Variants in NBEA observed in about 807,000 individuals in gnomAD.
NBEA encodes lysosomal-trafficking regulator 2.
A neutral mutation model predicts 343.4 loss-of-function variants in NBEA; 44 were observed. That is an observed-to-expected ratio of 0.13 (90% CI 0.10 to 0.16). The LOEUF (loss-of-function observed/expected upper bound fraction) is 0.16, where lower values mean the gene tolerates loss of function less well. Among genes scored for constraint, NBEA ranks in the 10% least tolerant of loss-of-function variants. The pLI, the probability that NBEA is intolerant of heterozygous loss-of-function variation, is 1.00. For synonymous variants in NBEA, 1,175 were observed against 1,238.7 expected, an observed-to-expected ratio of 0.95 and a Z score of 1.08; for missense variants, 2,555 against 3,631.3, an observed-to-expected ratio of 0.70 and a Z score of 7.62.
At chr13:35,139,801 A>G (rs1232974863) in intron 17 of NBEA, among the ~76,000 whole-genome samples, 2 of 121,252 alleles carry the variant, frequency 1.6e-5, no homozygotes, top group Non-Finnish European at 3.2e-5. Flanking sequence ...AACAAAATGT[A>G]CTGGTAAGTA....
chr13:35,546,828 C>T (rs1018043272), intron 41 of NBEA, among the ~76,000 whole-genome samples: 3 of 152,210 alleles, frequency 2.0e-5, no homozygotes, highest in Admixed American at 2.0e-4. Flanking sequence ...GCTGGGATTA[C>T]AGGCGTGAGC....
At chr13:35,634,555 G>A (rs1005651744) in intron 49 of NBEA, among the ~76,000 whole-genome samples, 1 of 152,124 alleles carries the variant, frequency 6.6e-6, no homozygotes, top group African/African-American at 2.4e-5. Flanking sequence ...TATAGTTGAC[G>A]TTGCCAGACT....
At chr13:35,139,759 T>TTTG (rs1219601830) in intron 17 of NBEA, among the ~76,000 whole-genome samples, 10 of 146,160 alleles carry the variant, frequency 6.8e-5, no homozygotes, top group Non-Finnish European at 1.3e-4. Flanking sequence ...TTTTTTTTTT[T>TTTG]TTTTTTTTTT....
At chr13:35,125,454 A>C (rs1311790672) in intron 17 of NBEA, among the ~76,000 whole-genome samples, 7 of 152,236 alleles carry the variant, frequency 4.6e-5, no homozygotes, top group Non-Finnish European at 7.3e-5. Context: ...GCAGAGTTTT[A>C]TTTGAATCAG....
intron 34 of NBEA, among the ~76,000 whole-genome samples, chr13:35,280,056 G>A (rs2034938849): frequency 6.6e-6 from 1 of 152,056 alleles, no homozygotes; most frequent in South Asian, 2.1e-4. Flanking sequence ...TTATTTGTGT[G>A]TATCTAGCTA....
intron 49 of NBEA, among the ~76,000 whole-genome samples, chr13:35,640,977 A>G (rs2083919203): frequency 6.6e-6 from 1 of 152,032 alleles, no homozygotes; most frequent in Non-Finnish European, 1.5e-5. Flanking sequence ...CAGTTCAATA[A>G]ATATTCAGCA....
intron 40 of NBEA, among the ~76,000 whole-genome samples, chr13:35,467,191 T>C (rs2075418931): frequency 6.6e-6 from 1 of 152,130 alleles, no homozygotes; most frequent in Admixed American, 6.6e-5. Context: ...AATGAGTCTA[T>C]GGCCAGGTGC....
chr13:35,134,065 G>A (rs1424754489), intron 17 of NBEA, among the ~76,000 whole-genome samples: 1 of 152,024 alleles, frequency 6.6e-6, no homozygotes, highest in African/African-American at 2.4e-5. Flanking sequence ...AAAAGAGAAT[G>A]TGGAAGGACA....
intron 34 of NBEA, among the ~76,000 whole-genome samples, chr13:35,270,242 TA>T (rs2034024183): frequency 1.3e-5 from 2 of 152,228 alleles, no homozygotes; most frequent in African/African-American, 4.8e-5. Context: ...TCTTTTGTCA[TA>T]AACAAACATT....
At chr13:35,315,094 A>T (rs187225248) in intron 36 of NBEA, among the ~76,000 whole-genome samples, 18 of 152,188 alleles carry the variant, frequency 1.2e-4, no homozygotes, top group African/African-American at 4.1e-4. Flanking sequence ...CAACTTTTTC[A>T]TATGGCTTAA....
At chr13:35,547,661 G>T (rs535522098) in intron 41 of NBEA, among the ~76,000 whole-genome samples, 1 of 152,288 alleles carries the variant, frequency 6.6e-6, no homozygotes, top group Admixed American at 6.5e-5. Context: ...GCCGAGTCAG[G>T]TGGATCATTT....
At chr13:35,176,915 G>T in intron 27 of NBEA, 81 bp from the exon 28 acceptor site, 2 of 903,542 alleles carry the variant, frequency 2.2e-6, no homozygotes, top group Non-Finnish European at 3.5e-6. Context: ...GATGTGACCA[G>T]TTTAGCCTGA....
intron 33 of NBEA, among the ~76,000 whole-genome samples, chr13:35,225,848 C>G (rs2152765024): frequency 6.6e-6 from 1 of 152,120 alleles, no homozygotes; most frequent in South Asian, 2.1e-4. Context: ...TCTGATGAGG[C>G]CTAACAAAGT....
intron 38 of NBEA, among the ~76,000 whole-genome samples, chr13:35,391,463 G>C (rs941682299): frequency 6.6e-6 from 1 of 152,112 alleles, no homozygotes; most frequent in African/African-American, 2.4e-5. Context: ...TTATTTAAAA[G>C]AGAGACATAG....
At chr13:35,273,655 G>A (rs921270206) in intron 34 of NBEA, among the ~76,000 whole-genome samples, 4 of 152,016 alleles carry the variant, frequency 2.6e-5, no homozygotes, top group Non-Finnish European at 4.4e-5. Flanking sequence ...GAATCAAATA[G>A]ATGCAATAAA....
At chr13:35,344,994 G>A (rs145701502) in intron 36 of NBEA, among the ~76,000 whole-genome samples, 33 of 152,202 alleles carry the variant, frequency 2.2e-4, no homozygotes, top group South Asian at 1.0e-3. Context: ...AATATTAGCA[G>A]AACTCAATTC....
At chr13:35,630,869 G>A (rs1442300137) in intron 49 of NBEA, among the ~76,000 whole-genome samples, 2 of 152,108 alleles carry the variant, frequency 1.3e-5, no homozygotes, top group Non-Finnish European at 2.9e-5. Context: ...CCACTAGGGG[G>A]CCATTTAGTA....
intron 32 of NBEA, among the ~76,000 whole-genome samples, chr13:35,209,082 G>C (rs2073592839): frequency 6.6e-6 from 1 of 152,124 alleles, no homozygotes; most frequent in Non-Finnish European, 1.5e-5. Context: ...TCTCAAAACA[G>C]TGCTGTTTAT....
At chr13:35,482,680 G>A (rs1043256665) in intron 41 of NBEA, among the ~76,000 whole-genome samples, 3 of 150,788 alleles carry the variant, frequency 2.0e-5, no homozygotes, top group Non-Finnish European at 3.0e-5. Context: ...GTTTTTCTGT[G>A]AAATTTATTT....
Sources: allele counts gnomAD v4.1 joint callset (sites outside exome capture counted in the v4.1 genomes callset), GRCh38; gene constraint gnomAD v4.1.1; transcripts MANE v1.5; gene names NCBI Gene and HGNC (gene_info 2026-07-23, HGNC 2026-07-21).